ATF7IP: variants seen among roughly 807,000 people sequenced by gnomAD.
The protein encoded by ATF7IP is activating transcription factor 7 interacting protein.
ATF7IP carries 23 observed loss-of-function variants against 106.4 expected under a neutral mutation model. That is an observed-to-expected ratio of 0.22 (90% CI 0.16 to 0.31). The LOEUF (loss-of-function observed/expected upper bound fraction) is 0.31. ATF7IP is among the 10% of genes least tolerant of loss of function. The probability of loss-of-function intolerance (pLI) is 1.00; values close to 1 mark genes in which losing one functional copy is unlikely to be tolerated. For synonymous variants in ATF7IP, 542 were observed against 539.0 expected (o/e 1.01, Z -0.08); for missense variants, 1,334 against 1,524.3 (o/e 0.88, Z 2.08).
At chr12:14,389,401 T>C (rs966296403) in intron 1 of ATF7IP, among the ~76,000 whole-genome samples, 5 of 152,194 alleles carry the variant, frequency 3.3e-5, no homozygotes, top group Admixed American at 2.6e-4. Flanking sequence ...GAGAAGTGTT[T>C]TGGGTATAGT....
chr12:14,426,727 G>C (rs1941865109), intron 2 of ATF7IP, among the ~76,000 whole-genome samples: 1 of 148,550 alleles, frequency 6.7e-6, no homozygotes, highest in African/African-American at 2.5e-5. Flanking sequence ...TTGAGGGCCT[G>C]AGGTAGGGGG....
At chr12:14,395,865 TATTA>T (rs147751537) in intron 1 of ATF7IP, among the ~76,000 whole-genome samples, 20 of 152,264 alleles carry the variant, frequency 1.3e-4, no homozygotes, top group African/African-American at 3.8e-4. Flanking sequence ...AAAATGAATG[TATTA>T]ATTAGGAATT....
At chr12:14,375,216 T>G (rs1938689387) in intron 1 of ATF7IP, among the ~76,000 whole-genome samples, 1 of 152,134 alleles carries the variant, frequency 6.6e-6, no homozygotes. Context: ...CAGAACTTTT[T>G]TTTTTTAATC....
At chr12:14,487,847 C>G (rs932954234) in intron 13 of ATF7IP, among the ~76,000 whole-genome samples, 1 of 152,246 alleles carries the variant, frequency 6.6e-6, no homozygotes, top group East Asian at 1.9e-4. Context: ...TAGGAGGAAC[C>G]GACCAGTTTC....
chr12:14,472,909 C>T (rs538118829), intron 10 of ATF7IP, among the ~76,000 whole-genome samples: 1 of 152,252 alleles, frequency 6.6e-6, no homozygotes, highest in Admixed American at 6.5e-5. Flanking sequence ...GTTTAATTGG[C>T]TCATGGTTCT....
intron 7 of ATF7IP, 143 bp from the exon 8 acceptor site, chr12:14,457,064 C>A: frequency 1.5e-6 from 1 of 684,006 alleles, no homozygotes; most frequent in Non-Finnish European, 2.5e-6. Context: ...CTATGCCTCA[C>A]TGTTTTTGCT....
intron 2 of ATF7IP, among the ~76,000 whole-genome samples, chr12:14,427,107 A>G (rs187893489): frequency 8.2e-6 from 1 of 122,140 alleles, no homozygotes; most frequent in Non-Finnish European, 1.7e-5. Context: ...TCTGTATAAC[A>G]GAGGTTTTTT....
At chr12:14,476,258 A>T (rs1944259595) in intron 11 of ATF7IP, 5 of 227,794 alleles carry the variant, frequency 2.2e-5, no homozygotes, top group Admixed American at 1.7e-4. Flanking sequence ...TAAAAAATTT[A>T]AAAATTAGCT....
chr12:14,403,169 TTTAA>T (rs538321536), intron 1 of ATF7IP, among the ~76,000 whole-genome samples: 156 of 152,336 alleles, frequency 1.0e-3, no homozygotes, highest in African/African-American at 3.6e-3. Flanking sequence ...AGTGCTTAAT[TTTAA>T]TTTTTATCAG....
chr12:14,366,735 T>C (rs919111793), intron 1 of ATF7IP, among the ~76,000 whole-genome samples: 1 of 152,240 alleles, frequency 6.6e-6, no homozygotes, highest in African/African-American at 2.4e-5. Context: ...TGCTATGATA[T>C]GTAAGCTATA....
At position 14,500,321 on chromosome 12, in the gene ATF7IP, T is replaced by C. The variant is rs1178574576; in HGVS notation, c.*2248T>C. On this transcript the variant is annotated 3_prime_UTR_variant, in exon 15 of 15. Coordinates refer to ENST00000261168, the MANE Select transcript of ATF7IP (RefSeq NM_018179.5). ...ATTCATGATGAAGAAAGCCTATAGA[T>C]TGCCAAAAAATTAATTCTCCAAACC... The C allele has an allele frequency of 6.6e-6, 1 of 152,150 alleles. No individual in the cohort carries two copies. 9.4% of individuals were successfully genotyped at this position (152,150 alleles called of 1,614,324 possible). A position where few individuals can be genotyped will look rare whatever the true frequency, so the allele number is the denominator to read the frequency against.
intron 1 of ATF7IP, among the ~76,000 whole-genome samples, chr12:14,403,406 A>G (rs368997797): frequency 3.9e-5 from 6 of 151,984 alleles, no homozygotes; most frequent in African/African-American, 1.2e-4. Context: ...GAAAATGTAT[A>G]GTTTCTTGCC....
At chr12:14,489,841 C>T (rs1281235175) in intron 13 of ATF7IP, among the ~76,000 whole-genome samples, 1 of 152,134 alleles carries the variant, frequency 6.6e-6, no homozygotes, top group Admixed American at 6.6e-5. Context: ...AATACCATGG[C>T]ATTCTGTGAG....
At chr12:14,477,789 G>GT (rs1285711611) in intron 11 of ATF7IP, among the ~76,000 whole-genome samples, 2 of 152,120 alleles carry the variant, frequency 1.3e-5, no homozygotes, top group African/African-American at 2.4e-5. Flanking sequence ...GTTTTTAAGA[G>GT]TTTTTTCTGA....
intron 1 of ATF7IP, among the ~76,000 whole-genome samples, chr12:14,401,561 T>TAAA (rs1478956800): frequency 1.3e-5 from 2 of 150,838 alleles, no homozygotes; most frequent in East Asian, 3.9e-4. Context: ...GTCTGTCTTT[T>TAAA]GGATGATTAT....
At chr12:14,492,344 T>G (rs1294479116) in intron 13 of ATF7IP, among the ~76,000 whole-genome samples, 2 of 152,082 alleles carry the variant, frequency 1.3e-5, no homozygotes, top group African/African-American at 2.4e-5. Context: ...CGTTTCCTTT[T>G]CCGCAATGCA....
rs576430609 is a variant in ATF7IP at position 14,497,812 on chromosome 12, G to C, written c.3552G>C (p.Leu1184=). 147 of 1,614,016 alleles carry C rather than the reference G, an allele frequency of 9.1e-5. No individual in the cohort carries two copies. Among genetic ancestry groups the C allele is most frequent in the Non-Finnish European group, 1.2e-4 (141 of 1,180,014 alleles). The part of the protein sequence containing the change: ...QNGIVLSWSV[L]EVDRSCATVD... ...GCATAGTACTGTCATGGAGTGTCCT[G>C]GAGGTGGATCGAAGCTGTGCCACTG... The change falls in exon 15 of 15, where the codon CTG becomes CTC. Residue 1184 remains leucine, a synonymous_variant. Coordinates refer to ENST00000261168, the MANE Select transcript of ATF7IP (RefSeq NM_018179.5).
chr12:14,395,737 A>G (rs1591785253), intron 1 of ATF7IP, among the ~76,000 whole-genome samples: 3 of 152,152 alleles, frequency 2.0e-5, no homozygotes, highest in Admixed American at 6.5e-5. Context: ...ATTGACATAC[A>G]TTAGATAATG....
chr12:14,440,445 C>CT (rs1488928982), intron 5 of ATF7IP, among the ~76,000 whole-genome samples: 3 of 152,164 alleles, frequency 2.0e-5, no homozygotes, highest in Non-Finnish European at 2.9e-5. Context: ...TTTCAATCCA[C>CT]TTTTTCTAAT....
Sources: allele counts gnomAD v4.1 joint callset (sites outside exome capture counted in the v4.1 genomes callset), GRCh38; gene constraint gnomAD v4.1.1; transcripts MANE v1.5; gene names NCBI Gene and HGNC (gene_info 2026-07-23, HGNC 2026-07-21).